Variants in FAT3 observed in about 807,000 individuals in gnomAD.
FAT3 encodes the protein FAT atypical cadherin 3.
FAT3 carries 95 observed loss-of-function variants against 310.2 expected under a neutral mutation model. The ratio of observed to expected loss-of-function variants is 0.31; its 90% CI spans 0.26 to 0.36. The LOEUF is 0.36. Among genes scored for constraint, FAT3 ranks in the 10% least tolerant of loss-of-function variants. FAT3 has a pLI of 1.00. For synonymous variants in FAT3, 2,314 were observed against 2,192.9 expected (o/e 1.06, Z -1.54); for missense variants, 5,408 against 5,715.6 (o/e 0.95, Z 1.74).
chr11:92,842,330 G>A (rs1381001409), intron 18 of FAT3, among the ~76,000 whole-genome samples: 1 of 152,120 alleles, frequency 6.6e-6, no homozygotes, highest in East Asian at 1.9e-4. Flanking sequence ...CTGGCCACAG[G>A]TCCATTCCTC....
At position 92,882,708 on chromosome 11, in the gene FAT3, C is replaced by T. The variant is rs771555751; in HGVS notation, c.12282-30C>T. 4.5e-6 allele frequency: 7 copies of T among 1,567,432 alleles called. No homozygotes were observed. In the African/African-American group the frequency reaches 9.5e-5, roughly 21 times the overall value. ...ACCAACGTGTGTGCACTGGTCCTGA[C>T]GGTGGGGAGGGGCTTCTGTGTCGCC... On this transcript the variant is annotated intron_variant, in intron 23 of 27. Transcript: ENST00000525166.
chr11:92,374,852 TTTA>T (rs200319770), intron 2 of FAT3, among the ~76,000 whole-genome samples: 3,997 of 127,468 alleles, frequency 0.031, 194 homozygotes, highest in African/African-American at 0.16. Context: ...AGTTTTTTTT[TTTA>T]ATTGTACAAT....
chr11:92,565,029 C>G (rs1342772940), intron 3 of FAT3, among the ~76,000 whole-genome samples: 2 of 145,070 alleles, frequency 1.4e-5, no homozygotes, highest in African/African-American at 2.5e-5. Context: ...CAAGAAATAA[C>G]TAAAATCAGA....
At chr11:92,674,248 G>A (rs1328743159) in intron 3 of FAT3, among the ~76,000 whole-genome samples, 1 of 150,204 alleles carries the variant, frequency 6.7e-6, no homozygotes, top group East Asian at 1.9e-4. Flanking sequence ...CAAATACTGG[G>A]TGTGATGGAG....
intron 1 of FAT3, among the ~76,000 whole-genome samples, chr11:92,277,872 A>ATTT (rs1565196355): frequency 1.2e-4 from 17 of 142,888 alleles, no homozygotes; most frequent in African/African-American, 2.8e-4. Flanking sequence ...TTTTTTTTTA[A>ATTT]AAAAAAAAGG....
chr11:92,583,979 T>C (rs1429801406), intron 3 of FAT3, among the ~76,000 whole-genome samples: 1 of 152,068 alleles, frequency 6.6e-6, no homozygotes, highest in African/African-American at 2.4e-5. Flanking sequence ...TCTGTGGCAA[T>C]GCAAAGATTG....
intron 3 of FAT3, among the ~76,000 whole-genome samples, chr11:92,532,326 A>G (rs953368401): frequency 2.6e-5 from 4 of 152,156 alleles, no homozygotes; most frequent in African/African-American, 9.7e-5. Context: ...CATCAAACCT[A>G]AACACAAAAA....
intron 2 of FAT3, among the ~76,000 whole-genome samples, chr11:92,460,420 C>T (rs1255295159): frequency 6.6e-6 from 1 of 152,170 alleles, no homozygotes; most frequent in Admixed American, 6.5e-5. Flanking sequence ...AACGGCAGGG[C>T]TGGACTAATT....
At chr11:92,740,054 C>T (rs551373915) in intron 4 of FAT3, among the ~76,000 whole-genome samples, 6 of 152,210 alleles carry the variant, frequency 3.9e-5, no homozygotes, top group South Asian at 2.1e-4. Context: ...CCATTAAGCA[C>T]GAGTATGACT....
chr11:92,327,971 T>C (rs1424192216), intron 1 of FAT3, among the ~76,000 whole-genome samples: 1 of 152,150 alleles, frequency 6.6e-6, no homozygotes, highest in Non-Finnish European at 1.5e-5. Flanking sequence ...TACCTTTCTT[T>C]TTCTCTTTCC....
chr11:92,823,052 T>C (rs1948011798), intron 13 of FAT3, among the ~76,000 whole-genome samples: 1 of 152,148 alleles, frequency 6.6e-6, no homozygotes, highest in Non-Finnish European at 1.5e-5. Context: ...ATCAACTCTA[T>C]ACATGCTTGT....
At chr11:92,461,246 AG>A (rs1319579382) in intron 2 of FAT3, among the ~76,000 whole-genome samples, 4 of 152,178 alleles carry the variant, frequency 2.6e-5, no homozygotes, top group Admixed American at 2.0e-4. Flanking sequence ...GAGAGAGATA[AG>A]GGCTTCCCAT....
rs934345907 is a variant in FAT3 at position 92,816,185 on chromosome 11, T to G, written c.9481+6109T>G. ...ACAGAGAGACAGATAGATGGAAAGA[T>G]GAGTGTTAGCCAGGACAGGCTTGGC... On this transcript the variant is annotated intron_variant, in intron 13 of 27. Coordinates refer to ENST00000525166, the MANE Select transcript of FAT3 (RefSeq NM_001367949.2). 2.6e-4 allele frequency among the ~76,000 whole-genome samples: 39 copies of G among 152,154 alleles called. 2 individuals are homozygous for G.
chr11:92,625,209 A>G (rs1230640295), intron 3 of FAT3, among the ~76,000 whole-genome samples: 1 of 152,200 alleles, frequency 6.6e-6, no homozygotes, highest in East Asian at 1.9e-4. Flanking sequence ...TGTTAAATTT[A>G]TTATAGTATT....
intron 3 of FAT3, among the ~76,000 whole-genome samples, chr11:92,536,374 T>G (rs1001917619): frequency 6.6e-6 from 1 of 152,150 alleles, no homozygotes; most frequent in South Asian, 2.1e-4. Context: ...GGAGTAGTAA[T>G]CATGAGCTTG....
Position 92,798,556 on chromosome 11 carries a change from A to C in FAT3, c.5543A>C (p.His1848Pro), listed in dbSNP as rs571518019. ...GACCATGAAACCATTGCCCATTTCC[A>C]TTTTCATGTGCATGTGAGAGACAGT... The part of the protein sequence containing the change: ...NLDHETIAHF[H>P]FHVHVRDSGS... The change falls in exon 10 of 28, where the codon CAT (histidine) becomes CCT (proline). Residue 1848 changes from histidine to proline, a missense_variant. Transcript: ENST00000525166. 1 of 1,613,620 alleles carries C rather than the reference A, an allele frequency of 6.2e-7. No homozygotes were observed. Among genetic ancestry groups the C allele is most frequent in the Admixed American group, 1.7e-5 (1 of 60,018 alleles).
intron 9 of FAT3, 106 bp downstream of exon 9, chr11:92,793,083 T>G: frequency 8.1e-7 from 1 of 1,227,986 alleles, no homozygotes; most frequent in Non-Finnish European, 1.1e-6. Context: ...GGAACATCTC[T>G]AAATGAACTT....
At chr11:92,411,119 T>TA (rs67908064) in intron 2 of FAT3, among the ~76,000 whole-genome samples, 7 of 5,010 alleles carry the variant, frequency 1.4e-3, no homozygotes, top group African/African-American at 1.5e-3. Context: ...AAAATATATA[T>TA]ATTTATATAT....
At chr11:92,477,787 G>A (rs1952087986) in intron 2 of FAT3, among the ~76,000 whole-genome samples, 1 of 152,206 alleles carries the variant, frequency 6.6e-6, no homozygotes, top group Admixed American at 6.5e-5. Context: ...TTCTATGTCT[G>A]TATTAGAACA....
Sources: gnomAD v4.1 joint callset for allele counts (sites outside exome capture counted in the v4.1 genomes callset) on GRCh38, gnomAD v4.1.1 for gene constraint, MANE v1.5 for transcripts, NCBI Gene and HGNC (gene_info 2026-07-23, HGNC 2026-07-21) for gene names.